The following IL1R1 variants were observed in gnomAD, a reference collection of about 807,000 sequenced individuals.
The protein encoded by IL1R1 is interleukin 1 receptor type 1, also known as interleukin-1 receptor type 1.
In IL1R1, 22 loss-of-function variants were observed where a neutral mutation model predicts 50.2. That is an observed-to-expected ratio of 0.44 (90% confidence interval 0.31 to 0.63). The LOEUF is 0.63. IL1R1 is among the 20% of genes least tolerant of loss of function. The probability of loss-of-function intolerance (pLI) is 0.07; values close to 1 mark genes in which losing one functional copy is unlikely to be tolerated. For missense variants in IL1R1, 509 were observed against 676.2 expected (o/e 0.75, Z 2.74); for synonymous variants, 251 against 236.7 (o/e 1.06, Z -0.55).
upstream of IL1R1, among the ~76,000 whole-genome samples, chr2:102,103,667 C>T (rs1407036985): frequency 6.6e-6 from 1 of 151,984 alleles, no homozygotes; most frequent in African/African-American, 2.4e-5. Flanking sequence ...GAATGTTCAT[C>T]GGAGTGCAGA....
chr2:102,175,671 A>G, intron 11 of IL1R1, 26 bp downstream of exon 11: 2 of 1,608,014 alleles, frequency 1.2e-6, no homozygotes, highest in Non-Finnish European at 1.7e-6. Context: ...AACAGAGTAA[A>G]GGCTTATTGT....
intron 1 of IL1R1, among the ~76,000 whole-genome samples, chr2:102,126,389 C>T (rs2104404706): frequency 6.6e-6 from 1 of 152,318 alleles, no homozygotes; most frequent in Middle Eastern, 3.4e-3. Context: ...GGTTTTCTTC[C>T]TCCCATGGTG....
intron 1 of IL1R1, among the ~76,000 whole-genome samples, chr2:102,130,722 G>C (rs1681982763): frequency 6.6e-6 from 1 of 152,010 alleles, no homozygotes; most frequent in Admixed American, 6.6e-5. Flanking sequence ...TTTGCAGGGT[G>C]GGGGTGGGCA....
chr2:102,117,160 T>A (rs748616830), intron 1 of IL1R1, among the ~76,000 whole-genome samples: 3 of 152,244 alleles, frequency 2.0e-5, no homozygotes, highest in Admixed American at 6.5e-5. Flanking sequence ...ACATTCTTAC[T>A]GTACTTATGG....
intron 1 of IL1R1, among the ~76,000 whole-genome samples, chr2:102,086,502 T>C (rs978552409): frequency 2.3e-4 from 35 of 152,192 alleles, no homozygotes; most frequent in Middle Eastern, 3.4e-3. Context: ...TTGTCAGTCA[T>C]TATTACTTTA....
chr2:102,079,787 A>G (rs1415228035), intron 1 of IL1R1, among the ~76,000 whole-genome samples: 3 of 152,168 alleles, frequency 2.0e-5, no homozygotes, highest in African/African-American at 7.2e-5. Context: ...AATATCCAAA[A>G]CAATCTTGAA....
chr2:102,114,012 T>C (rs142835674), intron 1 of IL1R1, among the ~76,000 whole-genome samples: 175 of 152,326 alleles, frequency 1.1e-3, no homozygotes, highest in Non-Finnish European at 1.9e-3. Flanking sequence ...AGGGAAACAC[T>C]AGTTTATGGA....
At chr2:102,114,283 G>A (rs1042419756) in intron 1 of IL1R1, among the ~76,000 whole-genome samples, 2 of 152,244 alleles carry the variant, frequency 1.3e-5, no homozygotes, top group Non-Finnish European at 2.9e-5. Context: ...CTTGGTAGAT[G>A]TTTCTCTGGA....
chr2:102,166,059 T>C (rs943857490), intron 5 of IL1R1, 54 bp from the exon 6 acceptor site: 21 of 1,470,754 alleles, frequency 1.4e-5, no homozygotes, highest in Non-Finnish European at 2.0e-5. Flanking sequence ...TGGCGGTAGA[T>C]TGGGGAAAGT....
chr2:102,100,222 T>C (rs1370249749), upstream of IL1R1, among the ~76,000 whole-genome samples: 1 of 152,214 alleles, frequency 6.6e-6, no homozygotes, highest in Non-Finnish European at 1.5e-5. Flanking sequence ...CTTTGGAAAA[T>C]GTATTCCTTC....
upstream of IL1R1, chr2:102,142,559 G>C (rs1682734170): frequency 6.6e-6 from 1 of 152,080 alleles, no homozygotes; most frequent in Non-Finnish European, 1.5e-5. Context: ...GAACCGGCGG[G>C]ACCCCTGCGG....
chr2:102,158,618 G>T lies in IL1R1; in HGVS notation c.61+833G>T, dbSNP rs145590079. Among the ~76,000 whole-genome samples the T allele has an allele frequency of 5.7e-3, 866 of 152,300 alleles. 10 individuals are homozygous for T. Among genetic ancestry groups the T allele is most frequent in the African/African-American group, 0.019 (810 of 41,552 alleles). On this transcript the variant is annotated intron_variant, in intron 3 of 11. Transcript: ENST00000410023. ...GAATAAAAATATCAGCATGTCTGGA[G>T]CATAGTGAGAGATGAGGGAAGTCAT...
chr2:102,164,569 C>T (rs975384837), intron 3 of IL1R1, among the ~76,000 whole-genome samples: 2 of 152,110 alleles, frequency 1.3e-5, no homozygotes, highest in African/African-American at 4.8e-5. Context: ...GCCAGGGGTA[C>T]AGCACACAGG....
At position 102,178,642 on chromosome 2, in the gene IL1R1, G is replaced by A. The variant is rs571818312; in HGVS notation, c.*1883G>A. 10 of 152,308 alleles carry A rather than the reference G, an allele frequency of 6.6e-5. No individual in the cohort carries two copies. The highest frequency in any genetic ancestry group is 1.9e-4 in the East Asian group (1 of 5,310). 9.4% of individuals were successfully genotyped at this position (152,308 alleles called of 1,614,324 possible). On this transcript the variant is annotated 3_prime_UTR_variant, in exon 12 of 12. Coordinates refer to ENST00000410023, the MANE Select transcript of IL1R1 (RefSeq NM_000877.4). ...AATGACATTTTGCTAGGAAGTGACC[G>A]AGTCTAGGAATGCTTTTATTCAAGA...
chr2:102,174,462 G>A (rs893694864), intron 9 of IL1R1, 125 bp from the exon 10 acceptor site: 70 of 621,040 alleles, frequency 1.1e-4, no homozygotes, highest in Non-Finnish European at 1.6e-4. Flanking sequence ...AGTTAATATT[G>A]TCTGAATGCA....
intron 1 of IL1R1, among the ~76,000 whole-genome samples, chr2:102,091,299 A>G (rs1025426106): frequency 1.3e-5 from 2 of 152,162 alleles, no homozygotes; most frequent in African/African-American, 2.4e-5. Context: ...TGGATAGCCT[A>G]TGAGTGTATG....
chr2:102,108,250 G>T (rs959137322), intron 1 of IL1R1, among the ~76,000 whole-genome samples: 2 of 151,104 alleles, frequency 1.3e-5, no homozygotes, highest in Non-Finnish European at 2.9e-5. Context: ...GTGGGGGGGG[G>T]TGTGTATAAC....
At chr2:102,174,034 G>C (rs1161628163) in intron 9 of IL1R1, among the ~76,000 whole-genome samples, 1 of 152,126 alleles carries the variant, frequency 6.6e-6, no homozygotes, top group Non-Finnish European at 1.5e-5. Context: ...GCTTTTACAT[G>C]GTTCCTGATA....
At position 102,175,464 on chromosome 2, in the gene IL1R1, T is replaced by C. The variant is rs576169207; in HGVS notation, c.1136-14T>C. On this transcript the variant is annotated splice_polypyrimidine_tract_variant and intron_variant, in intron 10 of 11. Transcript: ENST00000410023. ...TTGCCTTGTGGTTCTAAATACATTATGTTTTTCCTTTAGCTTCAGATGGAA... is the reference window on the plus strand; with the variant it reads ...TTGCCTTGTGGTTCTAAATACATTACGTTTTTCCTTTAGCTTCAGATGGAA... The C allele has an allele frequency of 3.5e-5, 57 of 1,607,862 alleles. No individual in the cohort carries two copies. The highest frequency in any genetic ancestry group is 4.5e-5 in the Non-Finnish European group (53 of 1,174,394).
Sources: allele counts gnomAD v4.1 joint callset (sites outside exome capture counted in the v4.1 genomes callset), GRCh38; gene constraint gnomAD v4.1.1; transcripts MANE v1.5; gene names NCBI Gene and HGNC (gene_info 2026-07-23, HGNC 2026-07-21).